The following MAPK10 variants were observed in gnomAD, a reference collection of about 807,000 sequenced individuals.
MAPK10 encodes the protein mitogen-activated protein kinase 10.
A neutral mutation model predicts 59.3 loss-of-function variants in MAPK10; 25 were observed. The observed-to-expected ratio is 0.42, with a 90% confidence interval of 0.31 to 0.59. The LOEUF (loss-of-function observed/expected upper bound fraction) is 0.59, where lower values mean the gene tolerates loss of function less well. Ranked by LOEUF, MAPK10 falls within the 20% of genes least tolerant of loss-of-function variation. The pLI is 0.15. For missense variants in MAPK10, 351 were observed against 568.9 expected, an observed-to-expected ratio of 0.62 and a Z score of 3.90; for synonymous variants, 190 against 200.5, an observed-to-expected ratio of 0.95 and a Z score of 0.44.
chr4:86,095,102 T>G (rs1270708252), intron 9 of MAPK10: 4 of 151,816 alleles, frequency 2.6e-5, no homozygotes, highest in Non-Finnish European at 5.9e-5. Context: ...ATTAAAGTAA[T>G]TAGCAAATTA....
At chr4:86,161,098 G>A (rs946637424) in intron 3 of MAPK10, among the ~76,000 whole-genome samples, 1 of 152,084 alleles carries the variant, frequency 6.6e-6, no homozygotes, top group South Asian at 2.1e-4. Flanking sequence ...CGTGTGACAG[G>A]CACCAACCTA....
upstream of MAPK10, among the ~76,000 whole-genome samples, chr4:86,360,793 A>T (rs948588937): frequency 1.2e-4 from 18 of 152,120 alleles, no homozygotes; most frequent in Middle Eastern, 3.2e-3. Flanking sequence ...GGGTATTTTT[A>T]AAGTCTCCAA....
intron 9 of MAPK10, chr4:86,081,037 C>A (rs1160521165): frequency 6.6e-6 from 1 of 151,912 alleles, no homozygotes; most frequent in Non-Finnish European, 1.5e-5. Flanking sequence ...CATTTATATT[C>A]ATTAAGAAAG....
chr4:86,032,523 G>A (rs1046799896), intron 11 of MAPK10: 2 of 152,168 alleles, frequency 1.3e-5, no homozygotes, highest in Non-Finnish European at 2.9e-5. Flanking sequence ...CTCAATAAGA[G>A]TGATGCAACC....
intron 1 of MAPK10, chr4:86,357,673 G>C (rs1283961740): frequency 6.6e-6 from 1 of 152,144 alleles, no homozygotes; most frequent in Non-Finnish European, 1.5e-5. Flanking sequence ...CAGCCCCTCT[G>C]GGATCTGTTC....
At chr4:86,164,057 G>C (rs1217726503) in intron 3 of MAPK10, among the ~76,000 whole-genome samples, 1 of 152,076 alleles carries the variant, frequency 6.6e-6, no homozygotes. Context: ...CTGATAGTCA[G>C]TTCCTGAGTG....
At chr4:86,426,689 G>A (rs973916197) in intron 1 of MAPK10, among the ~76,000 whole-genome samples, 17 of 152,064 alleles carry the variant, frequency 1.1e-4, no homozygotes, top group Admixed American at 5.9e-4. Context: ...AAACTTATTC[G>A]AGCATGGATC....
chr4:86,052,989 AT>A (rs537466785), intron 11 of MAPK10, among the ~76,000 whole-genome samples: 11 of 150,522 alleles, frequency 7.3e-5, no homozygotes, highest in Non-Finnish European at 7.4e-5. Context: ...CCTGGAGGGT[AT>A]TTTTTTTTTA....
chr4:86,535,551 G>A (rs1180830740), intron 1 of MAPK10, among the ~76,000 whole-genome samples: 2 of 152,102 alleles, frequency 1.3e-5, no homozygotes, highest in East Asian at 3.9e-4. Flanking sequence ...TAGAAACAGT[G>A]TCTTGCTATG....
intron 13 of MAPK10, chr4:86,027,669 C>G (rs893025932): frequency 1.3e-5 from 2 of 152,166 alleles, no homozygotes; most frequent in African/African-American, 4.8e-5. Flanking sequence ...AATTGAGTGG[C>G]AATTTTCAAA....
intron 9 of MAPK10, among the ~76,000 whole-genome samples, chr4:86,068,908 C>G (rs1367662888): frequency 6.6e-6 from 1 of 152,124 alleles, no homozygotes; most frequent in Non-Finnish European, 1.5e-5. Context: ...CAGATTTCCT[C>G]GCCATGTGCC....
intron 1 of MAPK10, among the ~76,000 whole-genome samples, chr4:86,374,109 G>C (rs1186172921): frequency 6.6e-6 from 1 of 152,126 alleles, no homozygotes; most frequent in Non-Finnish European, 1.5e-5. Flanking sequence ...CCTTTGCAGG[G>C]ACATGGATGA....
At chr4:86,104,107 C>G (rs528313375) in intron 5 of MAPK10, among the ~76,000 whole-genome samples, 1 of 152,166 alleles carries the variant, frequency 6.6e-6, no homozygotes, top group African/African-American at 2.4e-5. Flanking sequence ...AAGCATCAAT[C>G]AATGAATTTC....
intron 2 of MAPK10, chr4:86,326,914 A>G (rs904026432): frequency 6.6e-6 from 1 of 152,182 alleles, no homozygotes; most frequent in Admixed American, 6.6e-5. Context: ...ATCAACTTTA[A>G]GAGCCTCTTT....
rs937303495 is a variant in MAPK10, at chr4:86,354,531, A to G, written c.-8T>C. On this transcript the variant is annotated splice_region_variant and 5_prime_UTR_variant, in exon 2 of 14. Transcript: ENST00000641462. ...AATATTTTTAAATTGGCAACTCACC[A>G]CAGCTTGTATGGTTTCTCATCTATA... 6 of 1,219,034 alleles carry G rather than the reference A, an allele frequency of 4.9e-6. No individual in the cohort carries two copies. The highest frequency in any genetic ancestry group is 1.6e-5 in the African/African-American group (1 of 64,098). The allele number at this position is 1,219,034 out of a possible 1,614,324, so 75.5% of individuals were successfully genotyped here.
At chr4:86,448,318 T>G (rs1451323020) in intron 1 of MAPK10, among the ~76,000 whole-genome samples, 2 of 152,046 alleles carry the variant, frequency 1.3e-5, no homozygotes, top group African/African-American at 2.4e-5. Flanking sequence ...TATTTTTTTG[T>G]CAGAATTTTC....
At chr4:86,281,005 C>T (rs1296217791) in intron 2 of MAPK10, among the ~76,000 whole-genome samples, 1 of 152,028 alleles carries the variant, frequency 6.6e-6, no homozygotes, top group Non-Finnish European at 1.5e-5. Flanking sequence ...ATGCTCACTA[C>T]CTGGGTAACA....
At chr4:86,501,771 A>G (rs145800151) in intron 1 of MAPK10, among the ~76,000 whole-genome samples, 2 of 152,110 alleles carry the variant, frequency 1.3e-5, no homozygotes, top group East Asian at 3.9e-4. Flanking sequence ...TCAACATTAC[A>G]TTGTGTCAGA....
At chr4:86,530,611 A>G (rs1757784035) in intron 1 of MAPK10, among the ~76,000 whole-genome samples, 1 of 152,168 alleles carries the variant, frequency 6.6e-6, no homozygotes, top group Non-Finnish European at 1.5e-5. Context: ...GTGAGGGCCC[A>G]TTTCTTGATT....
Sources: allele counts gnomAD v4.1 joint callset (sites outside exome capture counted in the v4.1 genomes callset), GRCh38; gene constraint gnomAD v4.1.1; transcripts MANE v1.5; gene names NCBI Gene and HGNC (gene_info 2026-07-23, HGNC 2026-07-21).